Variants in PEX5L observed in about 807,000 individuals in gnomAD.
PEX5L encodes the protein PEX5-related protein.
Under a neutral mutation model 84.0 loss-of-function variants are expected in PEX5L, and 30 were observed. The observed-to-expected ratio is 0.36, with a 90% CI of 0.27 to 0.48. The LOEUF (loss-of-function observed/expected upper bound fraction) is 0.48. Ranked by LOEUF, PEX5L falls within the 20% of genes least tolerant of loss-of-function variation. The pLI, the probability that PEX5L is intolerant of heterozygous loss-of-function variation, is 0.99. For synonymous variants in PEX5L, 270 were observed against 283.1 expected (o/e 0.95, Z 0.46); for missense variants, 533 against 754.6 (o/e 0.71, Z 3.44).
At chr3:180,019,588 TTCTC>T (rs565529212) in intron 1 of PEX5L, among the ~76,000 whole-genome samples, 11 of 152,300 alleles carry the variant, frequency 7.2e-5, no homozygotes, top group Admixed American at 2.6e-4. Flanking sequence ...CCTCCTTCAA[TTCTC>T]TCTAAGTGGG....
chr3:179,904,166 A>T (rs940523), intron 2 of PEX5L, among the ~76,000 whole-genome samples: 37,865 of 152,130 alleles, frequency 0.25, 5,613 homozygotes, highest in Non-Finnish European at 0.33. Context: ...AAAGATTTCC[A>T]GTTGACCCTT....
At chr3:179,899,897 T>C (rs1035312237) in intron 2 of PEX5L, among the ~76,000 whole-genome samples, 2 of 152,154 alleles carry the variant, frequency 1.3e-5, no homozygotes, top group African/African-American at 4.8e-5. Context: ...CCACAATTCA[T>C]AGAATAACTG....
In PEX5L at chr3:179,800,267, T is replaced by C. The variant is rs1443885305; in HGVS notation, c.*1561A>G. 6.6e-6 allele frequency: 1 copy of C among 152,200 alleles called. No individual in the cohort carries two copies. The highest frequency in any genetic ancestry group is 1.5e-5 in the Non-Finnish European group (1 of 68,034). The allele number at this position is 152,200 out of a possible 1,614,324, so 9.4% of individuals were successfully genotyped here. On this transcript the variant is annotated 3_prime_UTR_variant, in exon 15 of 15. Transcript: ENST00000467460. ...AATTCTGTGGAGTCTTTTTTGTTGT[T>C]GTTGTTTTATTTTTTGTGGGTAGCT... is the stretch of plus-strand genomic sequence containing the variant.
At chr3:179,883,932 AT>A (rs773891918) in intron 4 of PEX5L, among the ~76,000 whole-genome samples, 1 of 152,224 alleles carries the variant, frequency 6.6e-6, no homozygotes, top group Non-Finnish European at 1.5e-5. Context: ...CTACTAGAAG[AT>A]TCTACTGAAA....
At chr3:179,840,852 G>A (rs1199178582) in intron 8 of PEX5L, among the ~76,000 whole-genome samples, 2 of 152,070 alleles carry the variant, frequency 1.3e-5, no homozygotes, top group African/African-American at 4.8e-5. Context: ...TCAAGAGCTC[G>A]CTTTTAGATA....
chr3:179,832,755 C>T (rs751188741), intron 8 of PEX5L, among the ~76,000 whole-genome samples: 2 of 151,836 alleles, frequency 1.3e-5, no homozygotes, highest in Admixed American at 1.3e-4. Flanking sequence ...TACCTACCTA[C>T]CTACCCACCG....
chr3:179,871,688 T>C (rs987659679), intron 7 of PEX5L, among the ~76,000 whole-genome samples: 8 of 152,162 alleles, frequency 5.3e-5, no homozygotes, highest in Admixed American at 2.6e-4. Flanking sequence ...ATAAGGCAAA[T>C]GCCAAGCTGT....
intron 8 of PEX5L, among the ~76,000 whole-genome samples, chr3:179,854,703 A>G (rs1368049077): frequency 1.3e-5 from 2 of 152,206 alleles, no homozygotes; most frequent in African/African-American, 4.8e-5. Context: ...TTAATGAATG[A>G]ATTTCATTCA....
chr3:179,908,159 T>A (rs1365490830), intron 2 of PEX5L, among the ~76,000 whole-genome samples: 1 of 152,240 alleles, frequency 6.6e-6, no homozygotes, highest in African/African-American at 2.4e-5. Context: ...AACGTGTGGG[T>A]TGGCTCCTCA....
chr3:179,919,203 C>T (rs576050721), intron 2 of PEX5L, among the ~76,000 whole-genome samples: 116 of 152,262 alleles, frequency 7.6e-4, no homozygotes, highest in African/African-American at 2.6e-3. Context: ...TTGAAACACT[C>T]CAGCAAAGTA....
At position 179,819,971 on chromosome 3, in the gene PEX5L, A is replaced by G. The variant is rs1377515787; in HGVS notation, c.828T>C (p.Asp276=). 4 of 1,612,422 alleles carry G rather than the reference A, an allele frequency of 2.5e-6. No homozygotes were observed. Among genetic ancestry groups the G allele is most frequent in the Admixed American group, 1.7e-5 (1 of 59,982 alleles). Residue 276 remains aspartate, a synonymous_variant, in exon 9 of 15, where the codon GAT becomes GAC. Transcript: ENST00000467460. ...FERAKAAVES[D]TEFWDKMQAE... ...CTTGCATCTTATCCCAAAACTCTGT[A>G]TCTGACTGGGAGACAGGAAAAATGA...
Position 179,801,071 on chromosome 3 carries a change from T to C in PEX5L, c.*757A>G, listed in dbSNP as rs957999948. On this transcript the variant is annotated 3_prime_UTR_variant, in exon 15 of 15. Coordinates refer to ENST00000467460, the MANE Select transcript of PEX5L (RefSeq NM_016559.3). ...CAAAATCCTACACTATGAAAAACTGTCTTCAGGAATTGTTTATTTGGTCCG... is the reference window on the plus strand; with the variant it reads ...CAAAATCCTACACTATGAAAAACTGCCTTCAGGAATTGTTTATTTGGTCCG... The C allele has an allele frequency of 2.6e-5, 4 of 152,650 alleles. No individual in the cohort carries two copies. Among genetic ancestry groups the C allele is most frequent in the Admixed American group, 2.0e-4 (3 of 15,278 alleles). 9.5% of individuals were successfully genotyped at this position (152,650 alleles called of 1,614,324 possible).
At chr3:179,907,704 A>C (rs1014988510) in intron 2 of PEX5L, among the ~76,000 whole-genome samples, 3 of 152,186 alleles carry the variant, frequency 2.0e-5, no homozygotes, top group African/African-American at 7.2e-5. Flanking sequence ...CAGATGTCAT[A>C]AGGTAGAATT....
chr3:179,968,309 G>A (rs868510432), intron 2 of PEX5L, among the ~76,000 whole-genome samples: 2 of 152,088 alleles, frequency 1.3e-5, no homozygotes, highest in African/African-American at 4.8e-5. Flanking sequence ...AGTGGTTAAT[G>A]TTTTTAATCC....
Position 179,968,517 on chromosome 3 carries a change from T to C in PEX5L, c.93+3077A>G, listed in dbSNP as rs142985714. On this transcript the variant is annotated intron_variant, in intron 2 of 14. Transcript: ENST00000467460. ...AATATTTATTTTACAAAGACAAATA[T>C]AGCATTTACTAATTAGTTATATTAT... Among the ~76,000 whole-genome samples the C allele has an allele frequency of 9.5e-4, 144 of 152,296 alleles. 1 individual carries two copies. The highest frequency in any genetic ancestry group is 1.5e-3 in the Non-Finnish European group (99 of 68,006).
intron 1 of PEX5L, among the ~76,000 whole-genome samples, chr3:179,972,848 C>A (rs1315732589): frequency 6.6e-6 from 1 of 151,808 alleles, no homozygotes; most frequent in East Asian, 1.9e-4. Flanking sequence ...GAGATTTCTG[C>A]ATCTTCCAAG....
chr3:179,976,926 G>A (rs957321174), intron 1 of PEX5L, among the ~76,000 whole-genome samples: 5 of 152,112 alleles, frequency 3.3e-5, no homozygotes, highest in African/African-American at 1.2e-4. Flanking sequence ...AGATACCAGA[G>A]AATGAATGGG....
chr3:179,976,965 C>T (rs1785860832), intron 1 of PEX5L, among the ~76,000 whole-genome samples: 1 of 152,060 alleles, frequency 6.6e-6, no homozygotes, highest in Non-Finnish European at 1.5e-5. Flanking sequence ...AAAGTAACAG[C>T]AACGATCCTT....
chr3:180,000,152 A>C (rs771474508), intron 1 of PEX5L, among the ~76,000 whole-genome samples: 5 of 152,140 alleles, frequency 3.3e-5, no homozygotes, highest in Non-Finnish European at 5.9e-5. Flanking sequence ...TTAGTTCCAG[A>C]GGGAGGAATG....
Sources: gnomAD v4.1 joint callset for allele counts (sites outside exome capture counted in the v4.1 genomes callset) on GRCh38, gnomAD v4.1.1 for gene constraint, MANE v1.5 for transcripts, NCBI Gene and HGNC (gene_info 2026-07-23, HGNC 2026-07-21) for gene names.